POMK: variants seen among roughly 807,000 people sequenced by gnomAD.
POMK encodes the protein protein O-mannose kinase.
POMK carries 19 observed loss-of-function variants against 23.0 expected under a neutral mutation model. The ratio of observed to expected loss-of-function variants is 0.83; its 90% CI spans 0.58 to 1.21. The LOEUF (loss-of-function observed/expected upper bound fraction) is 1.21, where lower values mean the gene tolerates loss of function less well. Ranked by LOEUF, POMK falls within the 50% of genes most tolerant of loss-of-function variation. The pLI, the probability that POMK is intolerant of heterozygous loss-of-function variation, is 0.00. For missense variants in POMK, 410 were observed against 431.3 expected (o/e 0.95, Z 0.44); for synonymous variants, 173 against 171.6 (o/e 1.01, Z -0.06).
At chr8:43,115,454 TC>T (rs1417550625) in intron 4 of POMK, among the ~76,000 whole-genome samples, 1 of 152,212 alleles carries the variant, frequency 6.6e-6, no homozygotes, top group African/African-American at 2.4e-5. Context: ...ACTCCATCAG[TC>T]CTGCTGTTCT....
Position 43,112,821 on chromosome 8 carries a change from A to G in POMK, c.282+8991A>G, listed in dbSNP as rs565715395. Among the ~76,000 whole-genome samples the G allele has an allele frequency of 2.0e-5, 3 of 152,350 alleles. No homozygotes were observed. The South Asian group carries it at 6.2e-4, about 32-fold the overall frequency. ...TTCATATCCAGCCAAACTAAGCTTC[A>G]TCAGTGAAGGAGAAATAAAATACTT... On this transcript the variant is annotated intron_variant, in intron 4 of 4. Transcript: ENST00000331373.
In POMK at chr8:43,094,304, T is replaced by G. The variant is rs1046907537; in HGVS notation, c.-210+741T>G. 5.9e-5 allele frequency among the ~76,000 whole-genome samples: 9 copies of G among 152,242 alleles called. No individual in the cohort carries two copies. The East Asian group carries it at 1.7e-3, about 29-fold the overall frequency. On this transcript the variant is annotated intron_variant, in intron 1 of 4. Transcript: ENST00000331373. Reference sequence around the variant, plus strand: ...CGCCCGCCTCTGCCTCCCAAAGTGCTGGGATTACAGGCGTGAGCTACTGGG... The same window carrying G: ...CGCCCGCCTCTGCCTCCCAAAGTGCGGGGATTACAGGCGTGAGCTACTGGG...
In POMK at chr8:43,122,986, T is replaced by A; in HGVS notation, c.*109T>A. The A allele has an allele frequency of 1.0e-6, 1 of 979,478 alleles. No individual in the cohort carries two copies. Among genetic ancestry groups the A allele is most frequent in the East Asian group, 2.4e-5 (1 of 41,438 alleles). 60.7% of individuals were successfully genotyped at this position (979,478 alleles called of 1,614,324 possible). On this transcript the variant is annotated 3_prime_UTR_variant, in exon 5 of 5. Coordinates refer to ENST00000331373, the MANE Select transcript of POMK (RefSeq NM_032237.5). ...GAGTTTCGTGTTTTATTGTTTTTTT[T>A]ATGGCTTAGCCATGTGGTTCGTTGT...
At chr8:43,114,341 C>T (rs1033018798) in intron 4 of POMK, among the ~76,000 whole-genome samples, 2 of 152,210 alleles carry the variant, frequency 1.3e-5, no homozygotes, top group Admixed American at 6.5e-5. Context: ...AGGCTCGCTG[C>T]GGCCTTGCAG....
rs750918429 is a variant in POMK, at chr8:43,103,683, T to G, written c.135T>G (p.Pro45=). 1 of 1,613,996 alleles carries G rather than the reference T, an allele frequency of 6.2e-7. No individual in the cohort carries two copies. ...GCCTCGACCACTTCTTCATCGCTCCTCGACAATCCACTGTGGACCCCACAC... is the reference window on the plus strand; with the variant it reads ...GCCTCGACCACTTCTTCATCGCTCCGCGACAATCCACTGTGGACCCCACAC... ...YLCLDHFFIA[P]RQSTVDPTHC... The change falls in exon 4 of 5, where the codon CCT becomes CCG. Residue 45 remains proline (P), a synonymous_variant. Transcript: ENST00000331373.
chr8:43,093,655 C>G (rs1018184581), intron 1 of POMK, 92 bp downstream of exon 1: 1 of 152,664 alleles, frequency 6.6e-6, no homozygotes, highest in East Asian at 1.9e-4. Context: ...CTGGGCCGCA[C>G]CCCCCGCAGC....
At chr8:43,104,366 C>A (rs1435333421) in intron 4 of POMK, among the ~76,000 whole-genome samples, 1 of 152,136 alleles carries the variant, frequency 6.6e-6, no homozygotes, top group Non-Finnish European at 1.5e-5. Context: ...AAGTGATCTA[C>A]CTGCCTCGGC....
At chr8:43,101,402 A>G (rs993193859) in intron 2 of POMK, among the ~76,000 whole-genome samples, 1 of 148,116 alleles carries the variant, frequency 6.8e-6, no homozygotes, top group African/African-American at 2.5e-5. Context: ...CGAGTGACAG[A>G]GTCAGACCCT....
intron 4 of POMK, among the ~76,000 whole-genome samples, chr8:43,115,009 A>G (rs528051846): frequency 6.6e-6 from 1 of 152,218 alleles, no homozygotes; most frequent in Non-Finnish European, 1.5e-5. Flanking sequence ...TCCATACAGT[A>G]TAGCTTGGAT....
chr8:43,100,715 TGGAG>T (rs1234836239), intron 2 of POMK, among the ~76,000 whole-genome samples: 1 of 151,694 alleles, frequency 6.6e-6, no homozygotes, highest in Non-Finnish European at 1.5e-5. Context: ...AGGGATCTGA[TGGAG>T]GGAGGACGGT....
In POMK at chr8:43,122,934, C is replaced by G; in HGVS notation, c.*57C>G. 6.9e-7 allele frequency: 1 copy of G among 1,455,648 alleles called. No individual in the cohort carries two copies. The highest frequency in any genetic ancestry group is 9.2e-7 in the Non-Finnish European group (1 of 1,082,574). 90.2% of individuals were successfully genotyped at this position (1,455,648 alleles called of 1,614,324 possible). A position where few individuals can be genotyped will look rare whatever the true frequency, so the allele number is the denominator to read the frequency against. ...AGGGCTGAATGGAAGTTACAGCATTCTACTCTGATGGTGGAGTTTTTTGCC... is the reference window on the plus strand; with the variant it reads ...AGGGCTGAATGGAAGTTACAGCATTGTACTCTGATGGTGGAGTTTTTTGCC... On this transcript the variant is annotated 3_prime_UTR_variant, in exon 5 of 5. Transcript: ENST00000331373.
In POMK at chr8:43,104,637, G is replaced by A. The variant is rs371057211; in HGVS notation, c.282+807G>A. Among the ~76,000 whole-genome samples, 28 of 152,212 alleles carry A rather than the reference G, an allele frequency of 1.8e-4. No individual in the cohort carries two copies. In the East Asian group the frequency reaches 4.4e-3, roughly 24 times the overall value. Reference sequence around the variant, plus strand: ...ATTGACTTTTCAACTGTGAAATTACGTGTATATGTAGATAAATACAAAAAT... The same window carrying A: ...ATTGACTTTTCAACTGTGAAATTACATGTATATGTAGATAAATACAAAAAT... On this transcript the variant is annotated intron_variant, in intron 4 of 4. Transcript: ENST00000331373.
chr8:43,111,074 T>G lies in POMK; in HGVS notation c.282+7244T>G, dbSNP rs191980390. ...TCACTGGGGAGTGCCGGACAGTGGG[T>G]GCAGGACAGTGGGTGCAGCACACCA... On this transcript the variant is annotated intron_variant, in intron 4 of 4. Coordinates refer to ENST00000331373, the MANE Select transcript of POMK (RefSeq NM_032237.5). Among the ~76,000 whole-genome samples, 384 of 152,102 alleles carry G rather than the reference T, an allele frequency of 2.5e-3. 2 individuals carry two copies. The highest frequency in any genetic ancestry group is 0.011 in the South Asian group (53 of 4,816).
chr8:43,097,154 C>T (rs2130593184), intron 1 of POMK, among the ~76,000 whole-genome samples: 1 of 152,278 alleles, frequency 6.6e-6, no homozygotes. Context: ...ATTATATACA[C>T]CAGTGGTTTT....
At chr8:43,097,360 G>C (rs1363439082) in intron 1 of POMK, among the ~76,000 whole-genome samples, 164 bp from the exon 2 acceptor site, 3 of 152,200 alleles carry the variant, frequency 2.0e-5, no homozygotes, top group African/African-American at 7.2e-5. Flanking sequence ...ATCACTTCTT[G>C]AGGGGGAGTA....
At chr8:43,105,949 C>G (rs958086071) in intron 4 of POMK, among the ~76,000 whole-genome samples, 2 of 152,236 alleles carry the variant, frequency 1.3e-5, no homozygotes, top group Non-Finnish European at 2.9e-5. Flanking sequence ...GCGTGAGCCA[C>G]TTAGCCTGGC....
At chr8:43,112,254 G>T (rs1468499866) in intron 4 of POMK, among the ~76,000 whole-genome samples, 1 of 152,208 alleles carries the variant, frequency 6.6e-6, no homozygotes, top group African/African-American at 2.4e-5. Context: ...CACGGCACAA[G>T]AACTACGTGA....
intron 1 of POMK, among the ~76,000 whole-genome samples, chr8:43,096,317 G>C (rs1028914428): frequency 6.6e-6 from 1 of 152,162 alleles, no homozygotes; most frequent in Non-Finnish European, 1.5e-5. Flanking sequence ...GGGCCGAGTG[G>C]GGGGCTGTTG....
At chr8:43,101,492 A>C (rs1393669061) in intron 2 of POMK, among the ~76,000 whole-genome samples, 3 of 152,114 alleles carry the variant, frequency 2.0e-5, no homozygotes, top group Admixed American at 2.0e-4. Context: ...ATTTAAATGA[A>C]GTAGTGTTTT....
Sources: allele counts gnomAD v4.1 joint callset (sites outside exome capture counted in the v4.1 genomes callset), GRCh38; gene constraint gnomAD v4.1.1; transcripts MANE v1.5; gene names NCBI Gene and HGNC (gene_info 2026-07-23, HGNC 2026-07-21).